Variants in DENND3 observed in about 807,000 individuals in gnomAD.
DENND3 encodes the protein DENN domain containing 3, also known as DENN domain-containing protein 3.
A neutral mutation model predicts 135.1 loss-of-function variants in DENND3; 88 were observed. The observed-to-expected ratio is 0.65, with a 90% CI of 0.55 to 0.78. The LOEUF (loss-of-function observed/expected upper bound fraction) is 0.78. DENND3 is among the 30% of genes least tolerant of loss of function. DENND3 has a pLI of 0.00. For synonymous variants in DENND3, 693 were observed against 712.3 expected (o/e 0.97, Z 0.43); for missense variants, 1,392 against 1,688.4 (o/e 0.82, Z 3.08).
At chr8:141,180,677 G>A (rs1020467217) in intron 16 of DENND3, 70 bp from the exon 17 acceptor site, 32 of 1,390,668 alleles carry the variant, frequency 2.3e-5, no homozygotes, top group Non-Finnish European at 3.1e-5. Flanking sequence ...ATCAGAGTGC[G>A]TGAGGCCGTT....
rs1820040301 is a variant in DENND3, at chr8:141,160,762, C to T, written c.1327C>T (p.Leu443=). The T allele has an allele frequency of 6.2e-7, 1 of 1,612,388 alleles. No individual in the cohort carries two copies. Among genetic ancestry groups the T allele is most frequent in the Non-Finnish European group, 8.5e-7 (1 of 1,179,240 alleles). The change falls in exon 9 of 23, where the codon CTG becomes TTG. Residue 443 remains leucine, a synonymous_variant. Transcript: ENST00000519811. ...KLNCQIQQTT[L]QLLVSIFRDV... ...CAACTGCCAGATACAGCAGACCACC[C>T]TGCAGCTGCTCGTGAGCATCTTCAG...
In DENND3 at chr8:141,146,105, C is replaced by T. The variant is rs1170706267; in HGVS notation, c.735+1846C>T. On this transcript the variant is annotated intron_variant, in intron 5 of 22. Transcript: ENST00000519811. The surrounding 1 kb of genome is among the most constrained non-coding windows in gnomAD (Gnocchi z 4.3). ...CTCGTGATCTCCCCGCCTCGGCCTCCCGAAGTGCTGGGATTACAGCGTGAG... is the reference window on the plus strand; with the variant it reads ...CTCGTGATCTCCCCGCCTCGGCCTCTCGAAGTGCTGGGATTACAGCGTGAG... Among the ~76,000 whole-genome samples, 2 of 152,084 alleles carry T rather than the reference C, an allele frequency of 1.3e-5. No homozygotes were observed. Among genetic ancestry groups the T allele is most frequent in the African/African-American group, 4.8e-5 (2 of 41,386 alleles).
intron 22 of DENND3, 117 bp downstream of exon 22, chr8:141,192,780 C>T (rs1288611223): frequency 2.5e-6 from 4 of 1,599,282 alleles, no homozygotes; most frequent in Non-Finnish European, 3.4e-6. Flanking sequence ...CTTCGCCTCT[C>T]AGGGTTCCCC....
At position 141,195,312 on chromosome 8, in the gene DENND3, C is replaced by A. The variant is rs1052201928; in HGVS notation, c.*1079C>A. 7 of 152,370 alleles carry A rather than the reference C, an allele frequency of 4.6e-5. No individual in the cohort carries two copies. Among genetic ancestry groups the A allele is most frequent in the Non-Finnish European group, 8.8e-5 (6 of 68,092 alleles). The allele number at this position is 152,370 out of a possible 1,614,324, so 9.4% of individuals were successfully genotyped here. A position where few individuals can be genotyped will look rare whatever the true frequency, so the allele number is the denominator to read the frequency against. ...CGTGCTGAGGGCATGGGGCCTGCCCCCTGGGCACCCATCCACAAGCTGGGC... is the reference window on the plus strand; with the variant it reads ...CGTGCTGAGGGCATGGGGCCTGCCCACTGGGCACCCATCCACAAGCTGGGC... On this transcript the variant is annotated 3_prime_UTR_variant, in exon 23 of 23. Transcript: ENST00000519811.
rs988848069 is a variant in DENND3, at chr8:141,182,738, G to A, written c.2944+1884G>A. ...GTGAGATTGCAGGGACAAGAGGTGGGGTCAGGCCCCATCAAGAAGGGGGAG... is the reference window on the plus strand; with the variant it reads ...GTGAGATTGCAGGGACAAGAGGTGGAGTCAGGCCCCATCAAGAAGGGGGAG... On this transcript the variant is annotated intron_variant, in intron 17 of 22. Transcript: ENST00000519811. This position sits in a 1 kb window ranked among gnomAD's most constrained non-coding sequence, Gnocchi z 5.9. Among the ~76,000 whole-genome samples the A allele has an allele frequency of 1.3e-5, 2 of 152,184 alleles. No individual in the cohort carries two copies. The highest frequency in any genetic ancestry group is 2.9e-5 in the Non-Finnish European group (2 of 68,028).
In DENND3 at chr8:141,168,287, G is replaced by A. The variant is rs762525324; in HGVS notation, c.2037G>A (p.Thr679=). The change falls in exon 13 of 23, where the codon ACG becomes ACA. Residue 679 remains threonine, a synonymous_variant. Coordinates refer to ENST00000519811, the MANE Select transcript of DENND3 (RefSeq NM_001352890.3). This position sits in a 1 kb window ranked among gnomAD's most constrained non-coding sequence, Gnocchi z 6.2. ...TTCCCACTGATTTGGTGAAGAGGAC[G>A]GTGGAATCCATGTCTGCCCCTGAGT... ...RIFPTDLVKR[T]VESMSAPEWE... is the part of the protein sequence containing the mutation. 8.1e-6 allele frequency: 13 copies of A among 1,614,118 alleles called. No homozygotes were observed. Among genetic ancestry groups the A allele is most frequent in the Admixed American group, 3.3e-5 (2 of 60,026 alleles).
At chr8:141,155,708 A>G in intron 7 of DENND3, 141 bp from the exon 8 acceptor site, 2 of 1,088,734 alleles carry the variant, frequency 1.8e-6, no homozygotes, top group East Asian at 2.9e-5. Context: ...CACCCGGCCT[A>G]TGTGTGCATT....
rs61741256 is a variant in DENND3, at chr8:141,192,565, G to A, written c.3538G>A (p.Val1180Ile). 1.3e-6 allele frequency: 2 copies of A among 1,581,416 alleles called. No homozygotes were observed. Among genetic ancestry groups the A allele is most frequent in the African/African-American group, 2.7e-5 (2 of 74,324 alleles). The change falls in exon 22 of 23, where the codon GTT becomes ATT. Residue 1180 changes from valine to isoleucine, a missense_variant. Coordinates refer to ENST00000519811, the MANE Select transcript of DENND3 (RefSeq NM_001352890.3). Reference sequence around the variant, plus strand: ...GGCGGCCTGTGCAGGACGCAGCGAGGTTTACATCTGGAGCCTGAAGGACCT... The same window carrying A: ...GGCGGCCTGTGCAGGACGCAGCGAGATTTACATCTGGAGCCTGAAGGACCT... ...LWAACAGRSE[V>I]YIWSLKDLAQ...
chr8:141,153,815 T>C (rs1051378572), intron 7 of DENND3, among the ~76,000 whole-genome samples: 2 of 152,184 alleles, frequency 1.3e-5, no homozygotes, highest in African/African-American at 4.8e-5. Context: ...TTCAGGCTCT[T>C]TTAGGAGGAC....
At chr8:141,153,510 C>T (rs1008888656) in intron 7 of DENND3, among the ~76,000 whole-genome samples, 12 of 152,244 alleles carry the variant, frequency 7.9e-5, no homozygotes, top group Non-Finnish European at 1.5e-4. Context: ...CCGCTTTTCC[C>T]GGAGCGTTTT....
At chr8:141,178,012 G>A (rs933764774) in intron 15 of DENND3, 55 bp from the exon 16 acceptor site, 2 of 1,560,686 alleles carry the variant, frequency 1.3e-6, no homozygotes, top group South Asian at 1.2e-5. Context: ...AAGGTCTCCG[G>A]TGAACTGATC....
In DENND3 at chr8:141,192,461, G is replaced by A. The variant is rs201355672; in HGVS notation, c.3498+12G>A. 1 of 1,614,046 alleles carries A rather than the reference G, an allele frequency of 6.2e-7. No individual in the cohort carries two copies. Among genetic ancestry groups the A allele is most frequent in the Admixed American group, 1.7e-5 (1 of 60,018 alleles). ...AGCTCCTTCCTGAGGTATCCCAGCA[G>A]GGGCTGTGGGCCCAGCATGTGCGTG... is the stretch of plus-strand genomic sequence containing the variant. On this transcript the variant is annotated intron_variant, in intron 21 of 22. Transcript: ENST00000519811.
chr8:141,136,713 C>A lies in DENND3; in HGVS notation c.307C>A (p.Pro103Thr). 1 of 1,611,498 alleles carries A rather than the reference C, an allele frequency of 6.2e-7. No homozygotes were observed. Residue 103 changes from proline to threonine, a missense_variant, in exon 2 of 23, where the codon CCC (proline) becomes ACC (threonine). Transcript: ENST00000519811. ...GCAGTGGAAGGGCCTCCCGGGGCCC[C>A]CCAGAGCGCCAGAGCCTGAGGATGT... ...PEQWKGLPGP[P>T]RAPEPEDVAV...
chr8:141,165,588 C>A (rs1820684447), intron 11 of DENND3, among the ~76,000 whole-genome samples: 1 of 152,038 alleles, frequency 6.6e-6, no homozygotes, highest in Non-Finnish European at 1.5e-5. Flanking sequence ...CCTCAGCCTC[C>A]TGAGTAGCTG....
rs1373107187 is a variant in DENND3 at position 141,162,145 on chromosome 8, G to A, written c.1353-1188G>A. ...TTTGATGTATTTGTTTGCATAAAGC[G>A]AATAATTTATTAGGAAAAAATGGGA... On this transcript the variant is annotated intron_variant, in intron 9 of 22. Coordinates refer to ENST00000519811, the MANE Select transcript of DENND3 (RefSeq NM_001352890.3). Among the ~76,000 whole-genome samples the A allele has an allele frequency of 4.6e-5, 7 of 152,220 alleles. No individual in the cohort carries two copies. The East Asian group carries it at 7.7e-4, about 17-fold the overall frequency.
rs1412027505 is a variant in DENND3 at position 141,136,409 on chromosome 8, C to T, written c.103-100C>T. ...CTGAGGCGCCAGTGTTTATGGGCACCGAGGGGAGGAGAAAAACAAGCAGTG... is the reference window on the plus strand; with the variant it reads ...CTGAGGCGCCAGTGTTTATGGGCACTGAGGGGAGGAGAAAAACAAGCAGTG... On this transcript the variant is annotated intron_variant, in intron 1 of 22. Coordinates refer to ENST00000519811, the MANE Select transcript of DENND3 (RefSeq NM_001352890.3). The T allele has an allele frequency of 1.6e-5, 21 of 1,276,798 alleles. 1 individual carries two copies. The highest frequency in any genetic ancestry group is 2.1e-4 in the Middle Eastern group (1 of 4,812). The allele number at this position is 1,276,798 out of a possible 1,614,324, so 79.1% of individuals were successfully genotyped here.
intron 5 of DENND3, among the ~76,000 whole-genome samples, chr8:141,149,082 G>T (rs1036744790): frequency 6.6e-6 from 1 of 151,998 alleles, no homozygotes; most frequent in Non-Finnish European, 1.5e-5. Flanking sequence ...GGCTAATTTT[G>T]TATTTTTAGT....
chr8:141,138,919 C>T lies in DENND3; in HGVS notation c.501+782C>T, dbSNP rs570883908. Among the ~76,000 whole-genome samples, 188 of 152,238 alleles carry T rather than the reference C, an allele frequency of 1.2e-3. No homozygotes were observed. Among genetic ancestry groups the T allele is most frequent in the African/African-American group, 4.4e-3 (183 of 41,552 alleles). ...CGTCGATGGACCTGTGGGTTGTTTCCGCCTTTTGTCTTTGGTGTGAGCGAC... is the reference window on the plus strand; with the variant it reads ...CGTCGATGGACCTGTGGGTTGTTTCTGCCTTTTGTCTTTGGTGTGAGCGAC... On this transcript the variant is annotated intron_variant, in intron 3 of 22. Coordinates refer to ENST00000519811, the MANE Select transcript of DENND3 (RefSeq NM_001352890.3). The surrounding 1 kb of genome is among the most constrained non-coding windows in gnomAD (Gnocchi z 4.8).
chr8:141,141,165 G>A lies in DENND3; in HGVS notation c.502-38G>A, dbSNP rs1817405495. 1.2e-6 allele frequency: 2 copies of A among 1,613,860 alleles called. No homozygotes were observed. Among genetic ancestry groups the A allele is most frequent in the African/African-American group, 2.7e-5 (2 of 74,948 alleles). ...GGAAACAGATACTGGAATTGCCAAG[G>A]TGGGGAGGTGACCATGTCGCTGTTG... On this transcript the variant is annotated intron_variant, in intron 3 of 22. Transcript: ENST00000519811. The surrounding 1 kb of genome is among the most constrained non-coding windows in gnomAD (Gnocchi z 5.3).
Sources: allele counts gnomAD v4.1 joint callset (sites outside exome capture counted in the v4.1 genomes callset), GRCh38; gene constraint gnomAD v4.1.1; non-coding constraint Gnocchi (gnomAD v3.1); transcripts MANE v1.5; gene names NCBI Gene and HGNC (gene_info 2026-07-23, HGNC 2026-07-21).